Variants in KIF26A observed in about 807,000 individuals in gnomAD.
KIF26A encodes the protein kinesin-like protein KIF26A.
A neutral mutation model predicts 126.0 loss-of-function variants in KIF26A; 74 were observed. The ratio of observed to expected loss-of-function variants is 0.59; its 90% CI spans 0.49 to 0.71. The LOEUF is 0.71. KIF26A is among the 30% of genes least tolerant of loss of function. The probability of loss-of-function intolerance (pLI) is 0.00; values close to 1 mark genes in which losing one functional copy is unlikely to be tolerated. For synonymous variants in KIF26A, 1,445 were observed against 1,232.7 expected (o/e 1.17, Z -3.61); for missense variants, 2,984 against 2,763.3 (o/e 1.08, Z -1.79).
Position 104,151,867 on chromosome 14 carries a change from A to G in KIF26A, c.289-148A>G. The G allele has an allele frequency of 1.5e-6, 1 of 661,512 alleles. No individual in the cohort carries two copies. Among genetic ancestry groups the G allele is most frequent in the Non-Finnish European group, 2.7e-6 (1 of 374,910 alleles). 41.0% of individuals were successfully genotyped at this position (661,512 alleles called of 1,614,324 possible). A position where few individuals can be genotyped will look rare whatever the true frequency, so the allele number is the denominator to read the frequency against. On this transcript the variant is annotated intron_variant, in intron 2 of 14. Coordinates refer to ENST00000423312, the MANE Select transcript of KIF26A (RefSeq NM_015656.2). The surrounding 1 kb of genome is among the most constrained non-coding windows in gnomAD (Gnocchi z 4.9). ...TTCCTGCTGGGCTTGTGTGGGTGAA[A>G]GTGTTTGGGCTTATTAATCTGTTAC...
At position 104,152,319 on chromosome 14, in the gene KIF26A, C is replaced by G; in HGVS notation, c.593C>G (p.Ser198Cys). Residue 198 changes from serine (S) to cysteine (C), a missense_variant, in exon 3 of 15, where the codon TCC becomes TGC. Ser to Cys is a moderately radical substitution (Grantham distance 112, BLOSUM62 -1). Coordinates refer to ENST00000423312, the MANE Select transcript of KIF26A (RefSeq NM_015656.2). The surrounding 1 kb of genome is among the most constrained non-coding windows in gnomAD (Gnocchi z 5.9). ...GACAGGACCAAGGGGCTGGCCTGGT[C>G]CCCCGGGCCCAGTGTCCAGGTGTCT... ...GPDRTKGLAW[S>C]PGPSVQVSVA... is the part of the protein sequence containing the mutation. The G allele has an allele frequency of 1.3e-5, 20 of 1,579,128 alleles. No individual in the cohort carries two copies. Among genetic ancestry groups the G allele is most frequent in the Non-Finnish European group, 1.7e-5 (20 of 1,165,314 alleles).
At chr14:104,145,855 T>C (rs2037676120) in intron 2 of KIF26A, among the ~76,000 whole-genome samples, 1 of 151,894 alleles carries the variant, frequency 6.6e-6, no homozygotes, top group Non-Finnish European at 1.5e-5. Flanking sequence ...CTCTCGTCCC[T>C]AGGGCCCCCT....
At chr14:104,169,639 GATT>G (rs969081864) in intron 5 of KIF26A, among the ~76,000 whole-genome samples, 2 of 152,230 alleles carry the variant, frequency 1.3e-5, no homozygotes. Flanking sequence ...AAAGAAGTTA[GATT>G]ACGTTCAATT....
In KIF26A at chr14:104,175,394, C is replaced by G. The variant is rs774087180; in HGVS notation, c.2606C>G (p.Ala869Gly). 2 of 1,596,234 alleles carry G rather than the reference C, an allele frequency of 1.3e-6. No individual in the cohort carries two copies. Among genetic ancestry groups the G allele is most frequent in the Admixed American group, 1.7e-5 (1 of 59,324 alleles). Residue 869 changes from alanine (A) to glycine (G), a missense_variant, in exon 12 of 15, where the codon GCC becomes GGC. Physicochemically the swap from Ala to Gly is moderately conservative, Grantham distance 60 (BLOSUM62 0). Coordinates refer to ENST00000423312, the MANE Select transcript of KIF26A (RefSeq NM_015656.2). ...GGPGGTDGAQ[A>G]SPARGGRKPS... ...CCAGGTGGCACCGACGGAGCTCAGG[C>G]CAGCCCCGCCCGAGGGGGCCGGAAG... is the stretch of plus-strand genomic sequence containing the variant.
In KIF26A at chr14:104,171,709, C is replaced by T. The variant is rs2037958508; in HGVS notation, c.1114-14C>T. The T allele has an allele frequency of 5.2e-6, 8 of 1,549,884 alleles. No individual in the cohort carries two copies. The highest frequency in any genetic ancestry group is 7.0e-6 in the Non-Finnish European group (8 of 1,147,136). ...CGGAGGCAGCTTCTCAGGTGCCGCC[C>T]ACCTCTGCCCCAGGTGAAGGTTATG... On this transcript the variant is annotated splice_polypyrimidine_tract_variant and intron_variant, in intron 5 of 14. Transcript: ENST00000423312.
intron 14 of KIF26A, 56 bp downstream of exon 14, chr14:104,179,442 C>T (rs1291100196): frequency 1.4e-6 from 2 of 1,446,668 alleles, no homozygotes; most frequent in Non-Finnish European, 1.8e-6. Context: ...CTGACAGCTG[C>T]CCTCCCCTCC....
intron 5 of KIF26A, among the ~76,000 whole-genome samples, chr14:104,171,114 C>T (rs1392080253): frequency 1.3e-5 from 2 of 152,222 alleles, no homozygotes; most frequent in Non-Finnish European, 2.9e-5. Flanking sequence ...TCTTATCTTG[C>T]CCGTCCCCGT....
chr14:104,172,922 C>T, intron 7 of KIF26A, 55 bp from the exon 8 acceptor site: 1 of 1,504,474 alleles, frequency 6.6e-7, no homozygotes. Flanking sequence ...CGCCAGTAGC[C>T]ATAAAGGCTC....
In KIF26A at chr14:104,175,607, C is replaced by CAGT; in HGVS notation, c.2820_2822dup (p.Val941dup). 6.2e-7 allele frequency: 1 copy of CAGT among 1,610,808 alleles called. No homozygotes were observed. Among genetic ancestry groups the CAGT allele is most frequent in the Non-Finnish European group, 8.5e-7 (1 of 1,179,730 alleles). On this transcript the variant is annotated inframe_insertion, in exon 12 of 15. Transcript: ENST00000423312. ...GAGCTGCTGGTCCCGGAAAAGGCTG[C>CAGT]AGTGAGTGGAGGCAGGAGGCCACTG...
At position 104,151,111 on chromosome 14, in the gene KIF26A, C is replaced by G. The variant is rs1334906072; in HGVS notation, c.289-904C>G. Among the ~76,000 whole-genome samples the G allele has an allele frequency of 1.3e-5, 2 of 152,136 alleles. No individual in the cohort carries two copies. Among genetic ancestry groups the G allele is most frequent in the African/African-American group, 4.8e-5 (2 of 41,420 alleles). ...AGAGGAGTAAGCCTCTTGGTCGATT[C>G]CCTCCCAGTGAGCTTTGCTCTGTGG... On this transcript the variant is annotated intron_variant, in intron 2 of 14. Transcript: ENST00000423312. The surrounding 1 kb of genome is among the most constrained non-coding windows in gnomAD (Gnocchi z 4.9).
intron 4 of KIF26A, among the ~76,000 whole-genome samples, chr14:104,165,784 T>C (rs1005373565): frequency 6.6e-6 from 1 of 151,628 alleles, no homozygotes; most frequent in Non-Finnish European, 1.5e-5. Context: ...ACTGTGTCTC[T>C]GTGTCTCTGT....
intron 4 of KIF26A, among the ~76,000 whole-genome samples, chr14:104,161,452 A>G (rs1188317054): frequency 1.3e-5 from 2 of 152,224 alleles, no homozygotes; most frequent in African/African-American, 4.8e-5. Flanking sequence ...ATCAAGGCCA[A>G]CTGCCTGTGA....
chr14:104,172,094 C>A (rs1277558528), intron 6 of KIF26A, among the ~76,000 whole-genome samples, 159 bp downstream of exon 6: 4 of 152,256 alleles, frequency 2.6e-5, no homozygotes, highest in Admixed American at 2.6e-4. Flanking sequence ...CCTCCCTCAT[C>A]GTCCTGGCCA....
Position 104,148,153 on chromosome 14 carries a change from C to T in KIF26A, c.289-3862C>T, listed in dbSNP as rs1385910361. Among the ~76,000 whole-genome samples, 1 of 152,178 alleles carries T rather than the reference C, an allele frequency of 6.6e-6. No homozygotes were observed. Among genetic ancestry groups the T allele is most frequent in the Non-Finnish European group, 1.5e-5 (1 of 68,032 alleles). On this transcript the variant is annotated intron_variant, in intron 2 of 14. Transcript: ENST00000423312. This position sits in a 1 kb window ranked among gnomAD's most constrained non-coding sequence, Gnocchi z 4.3. ...GAGTCCCCGGTAAAGTCCCCCGGGC[C>T]TCACACGCAGGAGAAAATGGAAGGA...
intron 4 of KIF26A, among the ~76,000 whole-genome samples, chr14:104,159,505 G>A (rs775968089): frequency 6.6e-6 from 1 of 152,222 alleles, no homozygotes; most frequent in African/African-American, 2.4e-5. Flanking sequence ...CCAGGCCGGT[G>A]CGTTGGTGAC....
intron 2 of KIF26A, among the ~76,000 whole-genome samples, chr14:104,142,329 C>T (rs2037645005): frequency 6.6e-6 from 1 of 151,436 alleles, no homozygotes. Context: ...GGCTCCTGCT[C>T]CTCACTGTGT....
chr14:104,166,438 A>G (rs1436620823), intron 4 of KIF26A, among the ~76,000 whole-genome samples: 2 of 152,156 alleles, frequency 1.3e-5, no homozygotes, highest in African/African-American at 2.4e-5. Flanking sequence ...GGCCAGGTGG[A>G]TGTGCCCAGG....
At chr14:104,169,206 G>A (rs911857788) in intron 5 of KIF26A, among the ~76,000 whole-genome samples, 2 of 152,352 alleles carry the variant, frequency 1.3e-5, no homozygotes, top group Admixed American at 1.3e-4. Flanking sequence ...CCGAGGTCAG[G>A]TGTGGGCGGT....
In KIF26A at chr14:104,175,206, C is replaced by T. The variant is rs760345011; in HGVS notation, c.2418C>T (p.Thr806=). The T allele has an allele frequency of 2.2e-5, 36 of 1,609,558 alleles. 1 individual carries two copies. Among genetic ancestry groups the T allele is most frequent in the Middle Eastern group, 3.3e-4 (2 of 6,078 alleles). Residue 806 remains threonine (T), a synonymous_variant, in exon 12 of 15, where the codon ACC becomes ACT. Transcript: ENST00000423312. ...GGAALSDREL[T]DNEGPPDFVP... is the part of the protein sequence containing the mutation. ...CGGCGCTGTCAGACCGGGAGCTCAC[C>T]GACAACGAAGGTCCGCCTGACTTCG... is the stretch of plus-strand genomic sequence containing the variant.
Sources: gnomAD v4.1 joint callset for allele counts (sites outside exome capture counted in the v4.1 genomes callset) on GRCh38, gnomAD v4.1.1 for gene constraint, Gnocchi (gnomAD v3.1) non-coding constraint, MANE v1.5 for transcripts, NCBI Gene and HGNC (gene_info 2026-07-23, HGNC 2026-07-21) for gene names.